The following CACNA1E variants were observed in gnomAD, a reference collection of about 807,000 sequenced individuals.
CACNA1E encodes voltage-dependent R-type calcium channel subunit alpha-1E.
A neutral mutation model predicts 259.2 loss-of-function variants in CACNA1E; 40 were observed. That is an observed-to-expected ratio of 0.15 (90% CI 0.12 to 0.20). The LOEUF (loss-of-function observed/expected upper bound fraction) is 0.20. CACNA1E is among the 10% of genes least tolerant of loss of function. The probability of loss-of-function intolerance (pLI) is 1.00; values close to 1 mark genes in which losing one functional copy is unlikely to be tolerated. For synonymous variants in CACNA1E, 1,104 were observed against 1,138.5 expected, an observed-to-expected ratio of 0.97 and a Z score of 0.61; for missense variants, 1,874 against 3,040.1, an observed-to-expected ratio of 0.62 and a Z score of 9.02.
intron 1 of CACNA1E, among the ~76,000 whole-genome samples, chr1:181,335,284 C>T (rs1651613965): frequency 6.6e-6 from 1 of 152,224 alleles, no homozygotes. Context: ...CCCTGCCCTT[C>T]CTTATCCTTA....
chr1:181,428,058 C>T (rs751154272), intron 2 of CACNA1E, among the ~76,000 whole-genome samples: 4 of 152,104 alleles, frequency 2.6e-5, no homozygotes, highest in Admixed American at 1.3e-4. Flanking sequence ...AGTAAGCCTC[C>T]CCTACATGCC....
chr1:181,736,241 G>T, intron 21 of CACNA1E, 34 bp from the exon 22 acceptor site: 1 of 1,552,854 alleles, frequency 6.4e-7, no homozygotes, highest in Admixed American at 1.9e-5. Flanking sequence ...CATGCCTCAT[G>T]ATTTCTGAAG....
chr1:181,793,222 G>A (rs1182721977), intron 44 of CACNA1E, among the ~76,000 whole-genome samples: 1 of 152,168 alleles, frequency 6.6e-6, no homozygotes, highest in Admixed American at 6.5e-5. Flanking sequence ...TTGAGAAGAC[G>A]TATTTGACAT....
At chr1:181,785,070 G>A (rs1304436147) in intron 41 of CACNA1E, among the ~76,000 whole-genome samples, 1 of 152,130 alleles carries the variant, frequency 6.6e-6, no homozygotes, top group Non-Finnish European at 1.5e-5. Context: ...GCTTACTCAT[G>A]TACTGCTTAT....
intron 7 of CACNA1E, among the ~76,000 whole-genome samples, chr1:181,670,617 A>G (rs1015047151): frequency 2.0e-5 from 3 of 152,166 alleles, no homozygotes; most frequent in Non-Finnish European, 4.4e-5. Context: ...TACCTATATT[A>G]GACTCAACTT....
chr1:181,533,833 A>G (rs1572128607), intron 3 of CACNA1E, among the ~76,000 whole-genome samples: 1 of 151,968 alleles, frequency 6.6e-6, no homozygotes, highest in Admixed American at 6.6e-5. Flanking sequence ...ACTCTTGTGA[A>G]TGATTTAATT....
At chr1:181,739,796 AG>A (rs1656392151) in intron 25 of CACNA1E, among the ~76,000 whole-genome samples, 1 of 152,186 alleles carries the variant, frequency 6.6e-6, no homozygotes, top group African/African-American at 2.4e-5. Context: ...CCAAAAGGAA[AG>A]GCTTTCCAAA....
chr1:181,719,576 G>A (rs568551137), intron 12 of CACNA1E, among the ~76,000 whole-genome samples, 175 bp from the exon 13 acceptor site: 3 of 152,332 alleles, frequency 2.0e-5, no homozygotes, highest in Admixed American at 6.5e-5. Context: ...AGAGCAATGG[G>A]AGAGAGGTGG....
chr1:181,375,875 C>T (rs776553137), intron 1 of CACNA1E, among the ~76,000 whole-genome samples: 2 of 152,106 alleles, frequency 1.3e-5, no homozygotes, highest in Non-Finnish European at 2.9e-5. Flanking sequence ...TAGAACTTAC[C>T]ACATTATATG....
intron 2 of CACNA1E, among the ~76,000 whole-genome samples, chr1:181,431,319 A>AT (rs1352037889): frequency 1.3e-5 from 2 of 152,174 alleles, no homozygotes; most frequent in Non-Finnish European, 2.9e-5. Context: ...TATACTGACC[A>AT]TGAAACTCAG....
At chr1:181,748,514 A>G (rs201623501) in intron 25 of CACNA1E, among the ~76,000 whole-genome samples, 5 of 152,202 alleles carry the variant, frequency 3.3e-5, no homozygotes, top group Non-Finnish European at 7.3e-5. Context: ...GCTACAGGAT[A>G]GAAAGGTCTC....
At position 181,756,106 on chromosome 1, in the gene CACNA1E, G is replaced by A. The variant is rs760154313; in HGVS notation, c.4127+13G>A. 9 of 1,604,294 alleles carry A rather than the reference G, an allele frequency of 5.6e-6. No individual in the cohort carries two copies. Among genetic ancestry groups the A allele is most frequent in the Admixed American group, 1.7e-5 (1 of 59,276 alleles). ...AAGGATGGCCTCAGTGAGTGATTGAGTTGTCATGCTTGTCTGTGGCTGTGA... is the reference window on the plus strand; with the variant it reads ...AAGGATGGCCTCAGTGAGTGATTGAATTGTCATGCTTGTCTGTGGCTGTGA... On this transcript the variant is annotated intron_variant, in intron 29 of 47. Transcript: ENST00000367573.
intron 19 of CACNA1E, 135 bp downstream of exon 19, chr1:181,731,366 C>T (rs569070455): frequency 5.0e-5 from 35 of 701,876 alleles, no homozygotes; most frequent in Non-Finnish European, 7.8e-5. Flanking sequence ...GTGTGTGTTC[C>T]GTTCACATGA....
At chr1:181,738,505 C>T in intron 24 of CACNA1E, 79 bp downstream of exon 24, 1 of 1,132,374 alleles carries the variant, frequency 8.8e-7, no homozygotes, top group East Asian at 2.3e-5. Flanking sequence ...AGCCCTTCCT[C>T]AGTGTTACCA....
chr1:181,588,157 C>T (rs1469377806), intron 6 of CACNA1E, among the ~76,000 whole-genome samples: 1 of 152,228 alleles, frequency 6.6e-6, no homozygotes, highest in Admixed American at 6.5e-5. Context: ...GTGTCTGGTC[C>T]TGTTTCAGCT....
At chr1:181,554,909 C>G (rs1648560264) in intron 3 of CACNA1E, among the ~76,000 whole-genome samples, 1 of 152,168 alleles carries the variant, frequency 6.6e-6, no homozygotes, top group Non-Finnish European at 1.5e-5. Flanking sequence ...AAGTCTGGCT[C>G]TATGACAGCT....
intron 40 of CACNA1E, 69 bp downstream of exon 40, chr1:181,783,853 T>C (rs1187737041): frequency 2.1e-5 from 21 of 979,344 alleles, no homozygotes; most frequent in Admixed American, 3.4e-5. Flanking sequence ...TGGCACAGGA[T>C]GGAGATATTT....
chr1:181,720,476 T>A, intron 14 of CACNA1E, 139 bp downstream of exon 14: 1 of 891,242 alleles, frequency 1.1e-6, no homozygotes, highest in Non-Finnish European at 1.7e-6. Context: ...ACTGAGTGAG[T>A]TCATATGTGG....
At chr1:181,640,471 G>A (rs922795585) in intron 6 of CACNA1E, among the ~76,000 whole-genome samples, 6 of 152,298 alleles carry the variant, frequency 3.9e-5, no homozygotes, top group African/African-American at 1.4e-4. Flanking sequence ...CAGAATAAAC[G>A]AAACTAACTG....
Sources: gnomAD v4.1 joint callset for allele counts (sites outside exome capture counted in the v4.1 genomes callset) on GRCh38, gnomAD v4.1.1 for gene constraint, MANE v1.5 for transcripts, NCBI Gene and HGNC (gene_info 2026-07-23, HGNC 2026-07-21) for gene names.